FRY: variants seen among roughly 807,000 people sequenced by gnomAD.
FRY encodes protein furry homolog.
A neutral mutation model predicts 348.4 loss-of-function variants in FRY; 128 were observed. The ratio of observed to expected loss-of-function variants is 0.37; its 90% CI spans 0.32 to 0.43. FRY has a LOEUF of 0.43. FRY is among the 20% of genes least tolerant of loss of function. The probability of loss-of-function intolerance (pLI) is 1.00; values close to 1 mark genes in which losing one functional copy is unlikely to be tolerated. For synonymous variants in FRY, 1,370 were observed against 1,374.7 expected, an observed-to-expected ratio of 1.00 and a Z score of 0.08; for missense variants, 2,736 against 3,695.2, an observed-to-expected ratio of 0.74 and a Z score of 6.73.
At chr13:32,173,598 T>A in intron 19 of FRY, 49 bp downstream of exon 19, 10 of 1,345,246 alleles carry the variant, frequency 7.4e-6, no homozygotes, top group Non-Finnish European at 1.1e-5. Flanking sequence ...TCAACTCTTC[T>A]GAAATTTAGA....
intron 51 of FRY, among the ~76,000 whole-genome samples, chr13:32,255,005 G>A (rs1887262143): frequency 6.6e-6 from 1 of 152,174 alleles, no homozygotes; most frequent in Non-Finnish European, 1.5e-5. Flanking sequence ...TATTTTGGAT[G>A]ATAATCATGG....
chr13:32,077,738 G>A (rs1046842672), intron 1 of FRY, among the ~76,000 whole-genome samples: 1 of 152,196 alleles, frequency 6.6e-6, no homozygotes, highest in Non-Finnish European at 1.5e-5. Context: ...CATGGAGAAA[G>A]AACTTTGTTT....
At position 32,212,307 on chromosome 13, in the gene FRY, G is replaced by C. The variant is rs751449784; in HGVS notation, c.4607G>C (p.Ser1536Thr). The change falls in exon 35 of 61, where the codon AGC becomes ACC. Residue 1536 changes from serine (S) to threonine (T), a missense_variant. Physicochemically the swap from Ser to Thr is moderately conservative, Grantham distance 58. This residue lies in a region of FRY where 794 missense variants were observed against 977.0 expected (regional missense o/e 0.81). Coordinates refer to ENST00000542859, the MANE Select transcript of FRY (RefSeq NM_023037.3). ...CCATCTACAGGAACCACCTCTAGCA[G>C]CAATACAGTGGTTGCTGGCCAGGAA... The part of the protein sequence containing the change: ...SAAASGTTSS[S>T]NTVVAGQENF... 6 of 1,605,540 alleles carry C rather than the reference G, an allele frequency of 3.7e-6. No homozygotes were observed. Among genetic ancestry groups the C allele is most frequent in the South Asian group, 1.1e-5 (1 of 90,530 alleles).
intron 41 of FRY, among the ~76,000 whole-genome samples, 156 bp from the exon 42 acceptor site, chr13:32,234,418 G>A (rs531573879): frequency 6.6e-6 from 1 of 152,048 alleles, no homozygotes; most frequent in East Asian, 1.9e-4. Context: ...GTGAGACCCT[G>A]TCTCAAAAAG....
rs774000595 is a variant in FRY, at chr13:32,186,440, C to A, written c.3480+20C>A. On this transcript the variant is annotated intron_variant, in intron 27 of 60. Transcript: ENST00000542859. ...TTAAAAGTAGGTGATATTGTACTCA[C>A]GAATGACTGAGTCAGATGGATGGTC... 3.7e-5 allele frequency: 55 copies of A among 1,492,944 alleles called. No individual in the cohort carries two copies. Among genetic ancestry groups the A allele is most frequent in the Non-Finnish European group, 5.1e-5 (55 of 1,069,536 alleles). The allele number at this position is 1,492,944 out of a possible 1,614,324, so 92.5% of individuals were successfully genotyped here. A position where few individuals can be genotyped will look rare whatever the true frequency, so the allele number is the denominator to read the frequency against.
At chr13:32,148,006 C>T in intron 13 of FRY, 59 bp downstream of exon 13, 1 of 953,092 alleles carries the variant, frequency 1.0e-6, no homozygotes, top group Non-Finnish European at 1.7e-6. Flanking sequence ...AGCCAGCCTC[C>T]TTCTTATGAA....
chr13:32,291,927 A>G, intron 59 of FRY: 3 of 443,512 alleles, frequency 6.8e-6, no homozygotes, highest in Non-Finnish European at 1.4e-5. Flanking sequence ...ATAAAACCTG[A>G]ATGGATGAGG....
chr13:32,116,325 G>GTT (rs1332702087), intron 3 of FRY, among the ~76,000 whole-genome samples: 1 of 152,074 alleles, frequency 6.6e-6, no homozygotes, highest in East Asian at 1.9e-4. Context: ...TGATTAGCTA[G>GTT]TTAAAACCCA....
intron 7 of FRY, among the ~76,000 whole-genome samples, chr13:32,130,261 G>A (rs1044695737): frequency 2.6e-5 from 4 of 151,778 alleles, no homozygotes; most frequent in Non-Finnish European, 4.4e-5. Flanking sequence ...GGCTGGTCTC[G>A]AACTCCTGAC....
chr13:32,062,484 C>T (rs1470943121), intron 1 of FRY, among the ~76,000 whole-genome samples: 1 of 152,020 alleles, frequency 6.6e-6, no homozygotes, highest in Non-Finnish European at 1.5e-5. Context: ...TTAAACTTTA[C>T]TATAAAGGCA....
intron 1 of FRY, among the ~76,000 whole-genome samples, chr13:32,046,644 G>C (rs1005504815): frequency 6.6e-6 from 1 of 152,182 alleles, no homozygotes; most frequent in African/African-American, 2.4e-5. Context: ...AAGATAAAAG[G>C]CCCTTTATGC....
intron 59 of FRY, among the ~76,000 whole-genome samples, chr13:32,293,584 A>G (rs902385885): frequency 1.3e-5 from 2 of 152,220 alleles, no homozygotes; most frequent in African/African-American, 4.8e-5. Flanking sequence ...TGCTCTTGAG[A>G]TCAAATTGCA....
chr13:32,284,551 CT>C (rs1218153803), intron 58 of FRY, among the ~76,000 whole-genome samples: 2 of 152,150 alleles, frequency 1.3e-5, no homozygotes, highest in East Asian at 1.9e-4. Context: ...GATGTGTAAT[CT>C]GTATCATAGG....
chr13:32,155,687 C>G (rs773891324), intron 15 of FRY, 25 bp downstream of exon 15: 12 of 1,575,296 alleles, frequency 7.6e-6, no homozygotes, highest in Non-Finnish European at 9.6e-6. Flanking sequence ...TGCATAAGAA[C>G]TAAGCCTTAT....
At chr13:32,268,505 A>AAT (rs869298149) in intron 55 of FRY, among the ~76,000 whole-genome samples, 20 of 28,302 alleles carry the variant, frequency 7.1e-4, no homozygotes, top group South Asian at 1.4e-3. Context: ...AAAAAAAAAA[A>AAT]ATATATATAT....
intron 31 of FRY, among the ~76,000 whole-genome samples, chr13:32,203,310 T>C (rs955921478): frequency 6.6e-6 from 1 of 152,256 alleles, no homozygotes; most frequent in South Asian, 2.1e-4. Context: ...TGTTGAAAGT[T>C]TGAATTTTTG....
chr13:32,254,027 G>T, intron 50 of FRY, 197 bp from the exon 51 acceptor site: 1 of 613,896 alleles, frequency 1.6e-6, no homozygotes, highest in South Asian at 1.9e-5. Context: ...CCTGGTGCAT[G>T]AACTTGCGTC....
In FRY at chr13:32,078,889, G is replaced by A. The variant is rs766369544; in HGVS notation, c.126G>A (p.Thr42=). The A allele has an allele frequency of 1.7e-5, 28 of 1,614,022 alleles. 1 individual carries two copies. The South Asian group carries it at 2.3e-4, about 13-fold the overall frequency. The change falls in exon 2 of 61, where the codon ACG becomes ACA. Residue 42 remains threonine (T), a synonymous_variant. Transcript: ENST00000542859. ...CTCCGGTTCCACCTGCTTCTGGCAC[G>A]CACAGGGAGAAAGGGCCGCCAACCA... is the stretch of plus-strand genomic sequence containing the variant. ...IKPPVPPASG[T]HREKGPPTML... is the part of the protein sequence containing the mutation.
At position 32,239,803 on chromosome 13, in the gene FRY, G is replaced by A. The variant is rs370933276; in HGVS notation, c.6609G>A (p.Thr2203=). The change falls in exon 46 of 61, where the codon ACG becomes ACA. Residue 2203 remains threonine (T), a synonymous_variant. Transcript: ENST00000542859. This position sits in a 1 kb window ranked among gnomAD's most constrained non-coding sequence, Gnocchi z 4.3. ...KTHSYTRDCA[T]WVNVVCRYLH... The stretch of plus-strand genomic sequence containing the variant: ...ACAGCTACACGAGGGACTGTGCCAC[G>A]TGGGTCAATGTGGTCTGTCGATACC... 1.6e-5 allele frequency: 26 copies of A among 1,613,836 alleles called. No homozygotes were observed. In the Admixed American group the frequency reaches 2.0e-4, roughly 12 times the overall value.
Sources: gnomAD v4.1 joint callset for allele counts (sites outside exome capture counted in the v4.1 genomes callset) on GRCh38, gnomAD v4.1.1 for gene constraint, gnomAD v4.1.1 regional missense constraint, Gnocchi (gnomAD v3.1) non-coding constraint, MANE v1.5 for transcripts, NCBI Gene and HGNC (gene_info 2026-07-23, HGNC 2026-07-21) for gene names.